THADA: variants seen among roughly 807,000 people sequenced by gnomAD.
THADA encodes THADA armadillo repeat containing.
Under a neutral mutation model 219.8 loss-of-function variants are expected in THADA, and 213 were observed. The observed-to-expected ratio is 0.97, with a 90% CI of 0.87 to 1.09. The LOEUF (loss-of-function observed/expected upper bound fraction) is 1.09, where lower values mean the gene tolerates loss of function less well. THADA is among the 50% of genes least tolerant of loss of function. The probability of loss-of-function intolerance (pLI) is 0.00; values close to 1 mark genes in which losing one functional copy is unlikely to be tolerated. For synonymous variants in THADA, 1,018 were observed against 828.9 expected, an observed-to-expected ratio of 1.23 and a Z score of -3.92; for missense variants, 2,956 against 2,311.3, an observed-to-expected ratio of 1.28 and a Z score of -5.72.
At chr2:43,559,180 A>G (rs988082408) in intron 16 of THADA, among the ~76,000 whole-genome samples, 17 of 152,210 alleles carry the variant, frequency 1.1e-4, no homozygotes, top group Non-Finnish European at 2.4e-4. Context: ...AAAACTGTGT[A>G]TGGTAACAAA....
intron 26 of THADA, among the ~76,000 whole-genome samples, chr2:43,433,195 C>T (rs13393704): frequency 0.039 from 5,903 of 151,258 alleles, 406 homozygotes; most frequent in African/African-American, 0.13. Flanking sequence ...TATTTTTAAT[C>T]GGGAGATTTT....
intron 31 of THADA, among the ~76,000 whole-genome samples, chr2:43,302,205 T>C (rs758485089): frequency 2.6e-5 from 4 of 152,204 alleles, no homozygotes; most frequent in African/African-American, 4.8e-5. Flanking sequence ...TCAACTTTGA[T>C]AGATTTGGGT....
chr2:43,470,990 G>A (rs149147382), intron 26 of THADA, among the ~76,000 whole-genome samples: 2 of 152,284 alleles, frequency 1.3e-5, no homozygotes, highest in South Asian at 2.1e-4. Context: ...AAGACTGACC[G>A]TAGTAAGAAA....
intron 20 of THADA, among the ~76,000 whole-genome samples, chr2:43,547,808 T>G (rs1696228767): frequency 6.6e-6 from 1 of 152,218 alleles, no homozygotes; most frequent in African/African-American, 2.4e-5. Flanking sequence ...CCTTTGGTTT[T>G]AATTTCCTCC....
chr2:43,413,916 A>G (rs1445997278), intron 28 of THADA, among the ~76,000 whole-genome samples: 1 of 152,248 alleles, frequency 6.6e-6, no homozygotes, highest in Non-Finnish European at 1.5e-5. Flanking sequence ...GATTGGTTCT[A>G]GGACCCGTGA....
intron 8 of THADA, among the ~76,000 whole-genome samples, chr2:43,579,214 C>T (rs76501189): frequency 0.12 from 18,803 of 152,266 alleles, 1,247 homozygotes; most frequent in African/African-American, 0.15. Context: ...CTTTCTTCCT[C>T]GCCAACTATT....
intron 26 of THADA, among the ~76,000 whole-genome samples, chr2:43,431,583 A>G (rs1679297096): frequency 6.9e-6 from 1 of 145,312 alleles, no homozygotes; most frequent in Non-Finnish European, 1.5e-5. Flanking sequence ...CTCCTGCCTC[A>G]GCCTCCCAAG....
intron 29 of THADA, among the ~76,000 whole-genome samples, chr2:43,396,549 C>T (rs1256721390): frequency 1.3e-5 from 2 of 152,072 alleles, no homozygotes. Context: ...GTCCATAATC[C>T]CAGCACTTTG....
intron 26 of THADA, among the ~76,000 whole-genome samples, chr2:43,477,187 C>T (rs1036302728): frequency 1.3e-5 from 2 of 151,862 alleles, no homozygotes; most frequent in African/African-American, 2.4e-5. Context: ...ATCAGTATCC[C>T]GACAGCAGTA....
intron 26 of THADA, among the ~76,000 whole-genome samples, chr2:43,438,909 G>A (rs1680494790): frequency 6.6e-6 from 1 of 152,138 alleles, no homozygotes; most frequent in African/African-American, 2.4e-5. Flanking sequence ...AAAGTTAAAT[G>A]AATGTGGTCT....
rs1553437857 is a variant in THADA at position 43,425,476 on chromosome 2, G to GTGTC, written c.4058+2623_4058+2624insGACA. Reference sequence around the variant, plus strand: ...TGTGTGTGTGTGTGTGTGTGTGTGTGTGTGTGTGTGTGATGGTATTAAATT... The same window carrying GTGTC: ...TGTGTGTGTGTGTGTGTGTGTGTGTGTGTCTGTGTGTGTGTGATGGTATTAAATT... On this transcript the variant is annotated intron_variant, in intron 28 of 37. Transcript: ENST00000405975. 4.3e-3 allele frequency among the ~76,000 whole-genome samples: 649 copies of GTGTC among 151,344 alleles called. 8 individuals carry two copies. The highest frequency in any genetic ancestry group is 0.015 in the African/African-American group (617 of 41,046).
intron 29 of THADA, among the ~76,000 whole-genome samples, chr2:43,352,678 G>A (rs997603167): frequency 6.6e-6 from 1 of 151,560 alleles, no homozygotes; most frequent in Non-Finnish European, 1.5e-5. Flanking sequence ...AGAGGGAGAG[G>A]GGGAGAGAGA....
intron 29 of THADA, among the ~76,000 whole-genome samples, chr2:43,344,759 GT>G (rs1242915350): frequency 6.7e-6 from 1 of 149,324 alleles, no homozygotes; most frequent in Non-Finnish European, 1.5e-5. Flanking sequence ...ACTATTTAGG[GT>G]TTTTTTTGTT....
chr2:43,369,239 A>C (rs773644972), intron 29 of THADA, among the ~76,000 whole-genome samples: 33 of 152,306 alleles, frequency 2.2e-4, no homozygotes, highest in Non-Finnish European at 3.7e-4. Flanking sequence ...ACCATGAGCT[A>C]TTTCAAATGT....
At chr2:43,456,390 C>T (rs1253594960) in intron 26 of THADA, among the ~76,000 whole-genome samples, 4 of 152,040 alleles carry the variant, frequency 2.6e-5, no homozygotes. Flanking sequence ...AATGTGAAAC[C>T]ATGTTCCACA....
At chr2:43,522,159 TG>T (rs1484543416) in intron 22 of THADA, among the ~76,000 whole-genome samples, 1 of 152,234 alleles carries the variant, frequency 6.6e-6, no homozygotes, top group African/African-American at 2.4e-5. Context: ...CTAATAGATG[TG>T]TGCAGGAAGG....
At chr2:43,524,192 T>C (rs757216658) in intron 22 of THADA, among the ~76,000 whole-genome samples, 2 of 152,222 alleles carry the variant, frequency 1.3e-5, no homozygotes, top group African/African-American at 4.8e-5. Flanking sequence ...AAAATCAGAT[T>C]ACAGAAAATT....
At chr2:43,370,569 A>C (rs566479019) in intron 29 of THADA, among the ~76,000 whole-genome samples, 1 of 152,252 alleles carries the variant, frequency 6.6e-6, no homozygotes, top group Non-Finnish European at 1.5e-5. Flanking sequence ...AGAATGGAAT[A>C]TAGGCCCCTT....
chr2:43,436,307 T>G lies in THADA; in HGVS notation c.3837-6005A>C, dbSNP rs147684123. On this transcript the variant is annotated intron_variant, in intron 26 of 37. Coordinates refer to ENST00000405975, the MANE Select transcript of THADA (RefSeq NM_022065.5). ...AGAGACTATCTCAGACCCCGGGAGG[T>G]ACAATGGGAGGAAGAACATAAATGG... Among the ~76,000 whole-genome samples the G allele has an allele frequency of 3.5e-4, 53 of 152,170 alleles. 1 individual carries two copies. The East Asian group carries it at 0.01, about 29-fold the overall frequency.
Sources: allele counts gnomAD v4.1 joint callset (sites outside exome capture counted in the v4.1 genomes callset), GRCh38; gene constraint gnomAD v4.1.1; transcripts MANE v1.5; gene names NCBI Gene and HGNC (gene_info 2026-07-23, HGNC 2026-07-21).